The following C3orf62 variants were observed in gnomAD, a reference collection of about 807,000 sequenced individuals.
C3orf62 encodes the protein chromosome 3 open reading frame 62, also known as uncharacterized protein C3orf62.
In C3orf62, 16 loss-of-function variants were observed where a neutral mutation model predicts 21.7. The observed-to-expected ratio is 0.74, with a 90% confidence interval of 0.50 to 1.12. C3orf62 has a LOEUF of 1.12. Ranked by LOEUF, C3orf62 falls within the 50% of genes most tolerant of loss-of-function variation. The pLI is 0.00. For synonymous variants in C3orf62, 114 were observed against 117.0 expected, an observed-to-expected ratio of 0.97 and a Z score of 0.17; for missense variants, 310 against 318.8, an observed-to-expected ratio of 0.97 and a Z score of 0.21.
chr3:49,271,139 C>A lies in C3orf62; in HGVS notation c.*41G>T. 6.3e-7 allele frequency: 1 copy of A among 1,585,306 alleles called. No homozygotes were observed. Among genetic ancestry groups the A allele is most frequent in the Non-Finnish European group, 8.6e-7 (1 of 1,161,326 alleles). ...AGCTGCTTCTGCTCAGGCTCAAGGGCAGCCTCCTGCTGTAAGGAATCAAAG... is the reference window on the plus strand; with the variant it reads ...AGCTGCTTCTGCTCAGGCTCAAGGGAAGCCTCCTGCTGTAAGGAATCAAAG... On this transcript the variant is annotated 3_prime_UTR_variant, in exon 3 of 3. Coordinates refer to ENST00000343010, the MANE Select transcript of C3orf62 (RefSeq NM_198562.3).
Position 49,270,977 on chromosome 3 carries a change from T to C in C3orf62, c.*203A>G, listed in dbSNP as rs2046908799. On this transcript the variant is annotated 3_prime_UTR_variant, in exon 3 of 3. Transcript: ENST00000343010. ...GAAAGTTAAAAAAAAAAATCAGTAA[T>C]AGGAAACATTTCAAAGCAATGGAAT... 1.8e-6 allele frequency: 1 copy of C among 563,420 alleles called. No individual in the cohort carries two copies. Among genetic ancestry groups the C allele is most frequent in the Non-Finnish European group, 3.1e-6 (1 of 322,852 alleles). The allele number at this position is 563,420 out of a possible 1,614,324, so 34.9% of individuals were successfully genotyped here. A position where few individuals can be genotyped will look rare whatever the true frequency, so the allele number is the denominator to read the frequency against.
In C3orf62 at chr3:49,277,222, C is replaced by A; in HGVS notation, c.-350G>T. 1 of 1,324,566 alleles carries A rather than the reference C, an allele frequency of 7.5e-7. No individual in the cohort carries two copies. Among genetic ancestry groups the A allele is most frequent in the Non-Finnish European group, 9.9e-7 (1 of 1,012,012 alleles). 82.1% of individuals were successfully genotyped at this position (1,324,566 alleles called of 1,614,324 possible). On this transcript the variant is annotated 5_prime_UTR_variant, in exon 1 of 3. Coordinates refer to ENST00000343010, the MANE Select transcript of C3orf62 (RefSeq NM_198562.3). ...TGACGCCGACCCATCCAACGGTCAT[C>A]GCATGCGCGTGCCCCGCGCAGGCCC...
intron 1 of C3orf62, among the ~76,000 whole-genome samples, chr3:49,275,634 C>T (rs2046952034): frequency 7.3e-6 from 1 of 137,746 alleles, no homozygotes; most frequent in African/African-American, 2.7e-5. Flanking sequence ...GGGTTCATGC[C>T]ATTCTCCTGC....
chr3:49,276,703 G>A lies in C3orf62; in HGVS notation c.170C>T (p.Ser57Leu), dbSNP rs1387726761. 6.2e-7 allele frequency: 1 copy of A among 1,614,190 alleles called. No individual in the cohort carries two copies. Among genetic ancestry groups the A allele is most frequent in the Non-Finnish European group, 8.5e-7 (1 of 1,180,036 alleles). ...LELSAAPLSFSLPVHRLLCRR... is the reference protein window; with the variant it reads ...LELSAAPLSFLLPVHRLLCRR... ...GCAGAGGAGCCTGTGCACGGGCAGC[G>A]AGAAGGAGAGCGGCGCGGCGCTCAG... Residue 57 changes from serine to leucine, a missense_variant, in exon 1 of 3, where the codon TCG becomes TTG. Transcript: ENST00000343010.
Position 49,276,549 on chromosome 3 carries a change from G to A in C3orf62, c.324C>T (p.Cys108=), listed in dbSNP as rs772491183. 3.7e-5 allele frequency: 60 copies of A among 1,614,102 alleles called. No homozygotes were observed. Among genetic ancestry groups the A allele is most frequent in the Admixed American group, 1.0e-4 (6 of 59,994 alleles). The change falls in exon 1 of 3, where the codon TGC becomes TGT. Residue 108 remains cysteine, a synonymous_variant. Coordinates refer to ENST00000343010, the MANE Select transcript of C3orf62 (RefSeq NM_198562.3). The part of the protein sequence containing the change: ...APVNAKPHAL[C]PERKPLTSKE... Reference sequence around the variant, plus strand: ...TGCTGGTTAGAGGTTTTCTCTCGGGGCACAGAGCATGTGGTTTTGCATTTA... The same window carrying A: ...TGCTGGTTAGAGGTTTTCTCTCGGGACACAGAGCATGTGGTTTTGCATTTA...
Position 49,271,298 on chromosome 3 carries a change from G to A in C3orf62, c.686C>T (p.Thr229Ile), listed in dbSNP as rs780111099. The change falls in exon 3 of 3, where the codon ACA becomes ATA. Residue 229 changes from threonine to isoleucine, a missense_variant. Physicochemically the swap from Thr to Ile is moderately conservative, Grantham distance 89. Transcript: ENST00000343010. ...LLMDKSPQKA[T>I]DADPGSLKQA... is the part of the protein sequence containing the mutation. ...TTTGAGGCTGCCAGGGTCAGCATCT[G>A]TGGCCTTCTGAGGGCTCTTGTCCAT... The A allele has an allele frequency of 1.9e-6, 3 of 1,614,206 alleles. No homozygotes were observed. Among genetic ancestry groups the A allele is most frequent in the South Asian group, 2.2e-5 (2 of 91,082 alleles).
Position 49,276,803 on chromosome 3 carries a change from G to A in C3orf62, c.70C>T (p.Leu24=). 4 of 1,614,124 alleles carry A rather than the reference G, an allele frequency of 2.5e-6. No homozygotes were observed. Among genetic ancestry groups the A allele is most frequent in the Middle Eastern group, 3.3e-4 (2 of 6,062 alleles). The change falls in exon 1 of 3, where the codon CTG becomes TTG. Residue 24 remains leucine, a synonymous_variant. Transcript: ENST00000343010. The stretch of plus-strand genomic sequence containing the variant: ...AAGGCCCGGTCAATGGCTGCAGTCA[G>A]TTCCTTTCTGCATCTTCTTAGTTTT... ...SEKLRRCRKE[L]TAAIDRAFEG... is the part of the protein sequence containing the mutation.
In C3orf62 at chr3:49,277,204, G is replaced by GACCCATCCA. The variant is rs1467971962; in HGVS notation, c.-341_-333dup. The GACCCATCCA allele has an allele frequency of 7.4e-7, 1 of 1,345,124 alleles. No homozygotes were observed. The highest frequency in any genetic ancestry group is 1.5e-5 in the African/African-American group (1 of 68,054). The allele number at this position is 1,345,124 out of a possible 1,614,324, so 83.3% of individuals were successfully genotyped here. On this transcript the variant is annotated 5_prime_UTR_variant, in exon 1 of 3. In the 5' UTR this introduces an upstream ATG that the reference lacks. Coordinates refer to ENST00000343010, the MANE Select transcript of C3orf62 (RefSeq NM_198562.3). ...TCCTCACCCGCAGCGCAGTGACGCC[G>GACCCATCCA]ACCCATCCAACGGTCATCGCATGCG... is the stretch of plus-strand genomic sequence containing the variant.
At position 49,271,441 on chromosome 3, in the gene C3orf62, A is replaced by G. The variant is rs2046911313; in HGVS notation, c.543T>C (p.His181=). 1.2e-6 allele frequency: 2 copies of G among 1,610,768 alleles called. No individual in the cohort carries two copies. The highest frequency in any genetic ancestry group is 1.7e-6 in the Non-Finnish European group (2 of 1,177,798). Residue 181 remains histidine, a synonymous_variant, in exon 3 of 3, where the codon CAT becomes CAC. Transcript: ENST00000343010. ...ATTCTTCAATAGTTCGGATGCTTGT[A>G]TGGTCTTAAAAATAAGAACATTCAG... ...VTKDLLDMID[H]TSIRTIEELA...
chr3:49,271,042 G>A lies in C3orf62; in HGVS notation c.*138C>T, dbSNP rs1320796191. The A allele has an allele frequency of 1.2e-6, 1 of 808,162 alleles. No homozygotes were observed. The highest frequency in any genetic ancestry group is 2.0e-6 in the Non-Finnish European group (1 of 506,040). The allele number at this position is 808,162 out of a possible 1,614,324, so 50.1% of individuals were successfully genotyped here. On this transcript the variant is annotated 3_prime_UTR_variant, in exon 3 of 3. Transcript: ENST00000343010. Reference sequence around the variant, plus strand: ...TCACAGCTTAAAAAGGGACACAACTGGGATTTAAAAAGGGTCTGGTAATTC... The same window carrying A: ...TCACAGCTTAAAAAGGGACACAACTAGGATTTAAAAAGGGTCTGGTAATTC...
intron 2 of C3orf62, among the ~76,000 whole-genome samples, chr3:49,272,534 C>CTTT (rs746086446): frequency 0.063 from 3,276 of 51,866 alleles, 1,123 homozygotes; most frequent in African/African-American, 0.11. Flanking sequence ...TTCTCCTAAT[C>CTTT]TTTTTTTTTT....
In C3orf62 at chr3:49,271,096, G is replaced by T; in HGVS notation, c.*84C>A. On this transcript the variant is annotated 3_prime_UTR_variant, in exon 3 of 3. Coordinates refer to ENST00000343010, the MANE Select transcript of C3orf62 (RefSeq NM_198562.3). Reference sequence around the variant, plus strand: ...TTCTGCCAACCTTTTGAGAAATGTGGCCCCTGACGGCCATTGTAGCTGCTT... The same window carrying T: ...TTCTGCCAACCTTTTGAGAAATGTGTCCCCTGACGGCCATTGTAGCTGCTT... 1 of 1,359,604 alleles carries T rather than the reference G, an allele frequency of 7.4e-7. No individual in the cohort carries two copies. The allele number at this position is 1,359,604 out of a possible 1,614,324, so 84.2% of individuals were successfully genotyped here.
In C3orf62 at chr3:49,271,352, G is replaced by T; in HGVS notation, c.632C>A (p.Pro211His). 6.2e-7 allele frequency: 1 copy of T among 1,614,190 alleles called. No homozygotes were observed. Among genetic ancestry groups the T allele is most frequent in the Non-Finnish European group, 8.5e-7 (1 of 1,180,040 alleles). The stretch of plus-strand genomic sequence containing the variant: ...CAGGGCCCAGGCTTCCTCTTTGAAG[G>T]GTGAATCTTGGCAATGACCACACAT... ...NHMCGHCQDS[P>H]FKEEAWALLM... The change falls in exon 3 of 3, where the codon CCC (proline) becomes CAC (histidine). Residue 211 changes from proline to histidine, a missense_variant. Pro to His is a moderately conservative substitution (Grantham distance 77, BLOSUM62 -2). Transcript: ENST00000343010.
chr3:49,272,758 G>T (rs928192633), intron 2 of C3orf62, among the ~76,000 whole-genome samples: 2 of 151,470 alleles, frequency 1.3e-5, no homozygotes, highest in African/African-American at 4.9e-5. Context: ...TTGCCATGTT[G>T]CCCAGGCTGA....
At position 49,277,003 on chromosome 3, in the gene C3orf62, G is replaced by A. The variant is rs1178671539; in HGVS notation, c.-131C>T. On this transcript the variant is annotated 5_prime_UTR_variant, in exon 1 of 3. Coordinates refer to ENST00000343010, the MANE Select transcript of C3orf62 (RefSeq NM_198562.3). ...ACCCTCGGGCTTTCCTCCTGGAGTA[G>A]GCGGTTCTCGGCTCTCGCGGAGGAA... The A allele has an allele frequency of 2.7e-6, 4 of 1,463,406 alleles. No individual in the cohort carries two copies. The highest frequency in any genetic ancestry group is 2.8e-5 in the African/African-American group (2 of 70,858). The allele number at this position is 1,463,406 out of a possible 1,614,324, so 90.7% of individuals were successfully genotyped here.
chr3:49,270,325 C>T lies in C3orf62; in HGVS notation c.*855G>A, dbSNP rs2046905741. On this transcript the variant is annotated 3_prime_UTR_variant, in exon 3 of 3. Transcript: ENST00000343010. ...CTCTTATTAGCTCAGGAGGTGGGCA[C>T]TTCCCTGAGATTCAGTTTCCTTTCT... is the stretch of plus-strand genomic sequence containing the variant. 6.6e-6 allele frequency: 1 copy of T among 152,254 alleles called. No individual in the cohort carries two copies. The highest frequency in any genetic ancestry group is 1.9e-4 in the East Asian group (1 of 5,176). 9.4% of individuals were successfully genotyped at this position (152,254 alleles called of 1,614,324 possible).
intron 1 of C3orf62, among the ~76,000 whole-genome samples, chr3:49,275,635 A>G (rs2046952064): frequency 1.5e-5 from 2 of 134,844 alleles, no homozygotes; most frequent in Non-Finnish European, 3.1e-5. Flanking sequence ...GGTTCATGCC[A>G]TTCTCCTGCC....
intron 2 of C3orf62, among the ~76,000 whole-genome samples, chr3:49,272,356 A>G (rs1405588181): frequency 6.6e-6 from 1 of 151,956 alleles, no homozygotes; most frequent in Non-Finnish European, 1.5e-5. Context: ...TACTACTACT[A>G]ATAATAAAAA....
Position 49,277,146 on chromosome 3 carries a change from C to T in C3orf62, c.-274G>A, listed in dbSNP as rs576861139. 1.4e-3 allele frequency: 1,984 copies of T among 1,442,318 alleles called. 11 individuals are homozygous for T. The highest frequency in any genetic ancestry group is 4.7e-3 in the South Asian group (388 of 82,302). The allele number at this position is 1,442,318 out of a possible 1,614,324, so 89.3% of individuals were successfully genotyped here. A position where few individuals can be genotyped will look rare whatever the true frequency, so the allele number is the denominator to read the frequency against. On this transcript the variant is annotated 5_prime_UTR_variant, in exon 1 of 3. Coordinates refer to ENST00000343010, the MANE Select transcript of C3orf62 (RefSeq NM_198562.3). ...CCCAGGCCGCTGGCCCTACCGGCAC[C>T]CCCCCTTTGGCGAGTCGGCAGCCAC...
Sources: gnomAD v4.1 joint callset for allele counts (sites outside exome capture counted in the v4.1 genomes callset) on GRCh38, gnomAD v4.1.1 for gene constraint, MANE v1.5 for transcripts, NCBI Gene and HGNC (gene_info 2026-07-23, HGNC 2026-07-21) for gene names.